The following TRAPPC9 variants were observed in gnomAD, a reference collection of about 807,000 sequenced individuals.
TRAPPC9 encodes the protein trafficking protein particle complex subunit 9.
Under a neutral mutation model 124.0 loss-of-function variants are expected in TRAPPC9, and 83 were observed. The observed-to-expected ratio is 0.67, with a 90% confidence interval of 0.56 to 0.80. The LOEUF is 0.80. TRAPPC9 is among the 30% of genes least tolerant of loss of function. The pLI is 0.00. For missense variants in TRAPPC9, 1,302 were observed against 1,508.3 expected, an observed-to-expected ratio of 0.86 and a Z score of 2.27; for synonymous variants, 638 against 617.5, an observed-to-expected ratio of 1.03 and a Z score of -0.49.
At chr8:140,067,729 C>T (rs997087549) in intron 17 of TRAPPC9, among the ~76,000 whole-genome samples, 3 of 152,138 alleles carry the variant, frequency 2.0e-5, no homozygotes, top group Admixed American at 1.3e-4. Context: ...GTATCAAATA[C>T]AAGAGTCTTA....
chr8:139,756,314 A>G (rs1455229573), intron 21 of TRAPPC9, among the ~76,000 whole-genome samples: 1 of 81,760 alleles, frequency 1.2e-5, no homozygotes, highest in East Asian at 3.8e-4. Flanking sequence ...GGAGCCAGGG[A>G]TTGGGGATGA....
At chr8:140,399,537 GC>G (rs1229492940) in intron 6 of TRAPPC9, among the ~76,000 whole-genome samples, 1 of 152,198 alleles carries the variant, frequency 6.6e-6, no homozygotes, top group East Asian at 1.9e-4. Flanking sequence ...AGATTTGACT[GC>G]CCCTCTGGGT....
chr8:140,311,907 G>A (rs1043760434), intron 9 of TRAPPC9, among the ~76,000 whole-genome samples: 11 of 152,154 alleles, frequency 7.2e-5, no homozygotes, highest in Non-Finnish European at 1.3e-4. Flanking sequence ...AAGGAGGGAG[G>A]AAAAGAGGAC....
intron 19 of TRAPPC9, among the ~76,000 whole-genome samples, chr8:139,948,609 C>A (rs1388230077): frequency 6.6e-6 from 1 of 152,142 alleles, no homozygotes; most frequent in Non-Finnish European, 1.5e-5. Context: ...CCCCACCCTA[C>A]CTCCACCTCC....
At chr8:140,221,717 A>C in intron 16 of TRAPPC9, 134 bp from the exon 17 acceptor site, 4 of 1,246,738 alleles carry the variant, frequency 3.2e-6, no homozygotes, top group Non-Finnish European at 4.5e-6. Context: ...TGCTCACTGC[A>C]ACCTTTGCCT....
chr8:140,209,011 G>T (rs1437113028), intron 17 of TRAPPC9, among the ~76,000 whole-genome samples: 1 of 152,204 alleles, frequency 6.6e-6, no homozygotes, highest in Non-Finnish European at 1.5e-5. Context: ...ACCAAGGGGA[G>T]ACCATCATTT....
In TRAPPC9 at chr8:139,759,786, C is replaced by T. The variant is rs114108193; in HGVS notation, c.3056-27584G>A. Among the ~76,000 whole-genome samples the T allele has an allele frequency of 4.1e-3, 631 of 152,344 alleles. 9 individuals are homozygous for T. The highest frequency in any genetic ancestry group is 0.015 in the African/African-American group (618 of 41,582). On this transcript the variant is annotated intron_variant, in intron 21 of 22. Coordinates refer to ENST00000438773, the MANE Select transcript of TRAPPC9 (RefSeq NM_001160372.4). The stretch of plus-strand genomic sequence containing the variant: ...AGGGCTGGCACCCGCTCCTGCCCTC[C>T]CCCAGTCAGTCCTGCCAGGTGTGGA...
At chr8:139,802,917 T>C (rs1481363001) in intron 21 of TRAPPC9, among the ~76,000 whole-genome samples, 2 of 152,024 alleles carry the variant, frequency 1.3e-5, no homozygotes, top group Admixed American at 1.3e-4. Context: ...TGTCGGTGTG[T>C]GTTGTGTGCC....
intron 20 of TRAPPC9, among the ~76,000 whole-genome samples, chr8:139,892,018 TACCAG>T (rs1830382407): frequency 6.6e-6 from 1 of 152,142 alleles, no homozygotes; most frequent in Non-Finnish European, 1.5e-5. Context: ...TGGGCAACAA[TACCAG>T]GCCCCGAATG....
intron 19 of TRAPPC9, among the ~76,000 whole-genome samples, chr8:139,973,320 A>C (rs1836223860): frequency 6.6e-6 from 1 of 152,196 alleles, no homozygotes; most frequent in African/African-American, 2.4e-5. Flanking sequence ...GCCCCTGGAC[A>C]GTCCAGGTTT....
intron 11 of TRAPPC9, among the ~76,000 whole-genome samples, chr8:140,296,142 G>A (rs1404264169): frequency 1.3e-5 from 2 of 152,192 alleles, no homozygotes; most frequent in Non-Finnish European, 2.9e-5. Context: ...TTTGCAAATA[G>A]GGAATATAAT....
At chr8:139,929,600 C>T (rs527802147) in intron 19 of TRAPPC9, among the ~76,000 whole-genome samples, 204 of 152,286 alleles carry the variant, frequency 1.3e-3, no homozygotes, top group Non-Finnish European at 2.6e-3. Flanking sequence ...ACAGAGTTAC[C>T]GTGCTGCCTG....
intron 17 of TRAPPC9, among the ~76,000 whole-genome samples, chr8:140,079,390 T>G (rs1255235064): frequency 3.9e-5 from 6 of 152,242 alleles, no homozygotes; most frequent in Non-Finnish European, 7.4e-5. Context: ...GTGTTTGAAT[T>G]TGGCAAGTTC....
rs145568346 is a variant in TRAPPC9 at position 139,760,291 on chromosome 8, C to A, written c.3056-28089G>T. On this transcript the variant is annotated intron_variant, in intron 21 of 22. Transcript: ENST00000438773. ...GAAGGAAAGCAATGGGGGCTTTCCC[C>A]CCATTGCTGAAGGAAAGCAGACAGA... 5.2e-3 allele frequency among the ~76,000 whole-genome samples: 791 copies of A among 152,210 alleles called. 6 individuals carry two copies. Among genetic ancestry groups the A allele is most frequent in the African/African-American group, 0.018 (747 of 41,562 alleles).
At chr8:140,013,408 G>A (rs565156013) in intron 18 of TRAPPC9, among the ~76,000 whole-genome samples, 13 of 152,334 alleles carry the variant, frequency 8.5e-5, no homozygotes, top group South Asian at 2.1e-4. Flanking sequence ...TAGGTCCTCC[G>A]GCTGGTCAAC....
chr8:140,294,219 A>C (rs1476008684), intron 11 of TRAPPC9, among the ~76,000 whole-genome samples: 1 of 150,722 alleles, frequency 6.6e-6, no homozygotes, highest in Non-Finnish European at 1.5e-5. Context: ...CATGCCCCCC[A>C]CCTCCCAGGC....
intron 10 of TRAPPC9, among the ~76,000 whole-genome samples, chr8:140,301,229 C>G (rs186986909): frequency 4.6e-5 from 7 of 152,364 alleles, no homozygotes; most frequent in South Asian, 2.1e-4. Context: ...TATCTGTCAT[C>G]GCTTCCCACA....
intron 21 of TRAPPC9, among the ~76,000 whole-genome samples, chr8:139,754,259 A>G (rs1464431105): frequency 6.6e-6 from 1 of 152,118 alleles, no homozygotes; most frequent in Non-Finnish European, 1.5e-5. Context: ...TGACCCCCAA[A>G]GCTCTTTCCC....
At chr8:140,362,233 C>G (rs1217359391) in intron 8 of TRAPPC9, among the ~76,000 whole-genome samples, 1 of 152,140 alleles carries the variant, frequency 6.6e-6, no homozygotes, top group African/African-American at 2.4e-5. Context: ...AAAGTTGGTA[C>G]TTAACACACA....
Sources: allele counts gnomAD v4.1 joint callset (sites outside exome capture counted in the v4.1 genomes callset), GRCh38; gene constraint gnomAD v4.1.1; transcripts MANE v1.5; gene names NCBI Gene and HGNC (gene_info 2026-07-23, HGNC 2026-07-21).